The following CFAP77 variants were observed in gnomAD, a reference collection of about 807,000 sequenced individuals.
CFAP77 encodes cilia- and flagella-associated protein 77.
Under a neutral mutation model 31.1 loss-of-function variants are expected in CFAP77, and 25 were observed. The ratio of observed to expected loss-of-function variants is 0.80; its 90% CI spans 0.59 to 1.12. CFAP77 has a LOEUF of 1.12. Among genes scored for constraint, CFAP77 ranks in the 50% most tolerant of loss-of-function variants. CFAP77 has a pLI of 0.00. For missense variants in CFAP77, 377 were observed against 397.3 expected, an observed-to-expected ratio of 0.95 and a Z score of 0.44; for synonymous variants, 151 against 159.9, an observed-to-expected ratio of 0.94 and a Z score of 0.42.
chr9:132,474,855 TC>T (rs1408122319), intron 1 of CFAP77, among the ~76,000 whole-genome samples: 1 of 152,218 alleles, frequency 6.6e-6, no homozygotes, highest in Non-Finnish European at 1.5e-5. Flanking sequence ...TCATATTTCT[TC>T]AAATTTTATA....
intron 1 of CFAP77, among the ~76,000 whole-genome samples, chr9:132,425,679 G>A (rs1850301724): frequency 6.6e-6 from 1 of 152,110 alleles, no homozygotes; most frequent in Non-Finnish European, 1.5e-5. Flanking sequence ...GAGCAGAAAT[G>A]TAATTTTGAG....
At chr9:132,439,411 G>T (rs1233149451) in intron 1 of CFAP77, among the ~76,000 whole-genome samples, 3 of 152,164 alleles carry the variant, frequency 2.0e-5, no homozygotes, top group East Asian at 3.9e-4. Flanking sequence ...GCCAACCCAG[G>T]CAGCTGAAGC....
intron 1 of CFAP77, among the ~76,000 whole-genome samples, chr9:132,461,064 T>C (rs1484937850): frequency 1.3e-5 from 2 of 152,012 alleles, no homozygotes; most frequent in African/African-American, 4.8e-5. Flanking sequence ...TTCACCTAAA[T>C]TAAAAAAAAA....
At chr9:132,491,382 G>A (rs1255431942) in intron 1 of CFAP77, among the ~76,000 whole-genome samples, 3 of 152,190 alleles carry the variant, frequency 2.0e-5, no homozygotes. Flanking sequence ...CAAGAGAATT[G>A]CTTGAACCCG....
At chr9:132,558,857 T>G (rs1852947330) in intron 5 of CFAP77, among the ~76,000 whole-genome samples, 1 of 148,890 alleles carries the variant, frequency 6.7e-6, no homozygotes, top group Non-Finnish European at 1.5e-5. Flanking sequence ...CTACTAAAAA[T>G]ATAAAAATTA....
intron 5 of CFAP77, among the ~76,000 whole-genome samples, chr9:132,549,671 C>G (rs1257487812): frequency 6.6e-6 from 1 of 152,086 alleles, no homozygotes; most frequent in African/African-American, 2.4e-5. Context: ...AACTCTGTTT[C>G]TACTAAAAAT....
chr9:132,523,636 TGA>T (rs1384718912), intron 3 of CFAP77, among the ~76,000 whole-genome samples: 4 of 152,354 alleles, frequency 2.6e-5, no homozygotes, highest in African/African-American at 9.6e-5. Flanking sequence ...GAGCCCTGAC[TGA>T]GAGGCCTGTT....
At chr9:132,570,254 C>T (rs1203439859) in intron 5 of CFAP77, among the ~76,000 whole-genome samples, 1 of 152,204 alleles carries the variant, frequency 6.6e-6, no homozygotes, top group Non-Finnish European at 1.5e-5. Context: ...AGGGCACAAT[C>T]ATGGTTTGAT....
At chr9:132,428,323 C>G (rs2131687621) in intron 1 of CFAP77, among the ~76,000 whole-genome samples, 2 of 151,190 alleles carry the variant, frequency 1.3e-5, no homozygotes, top group Admixed American at 1.3e-4. Context: ...GCATTAGATT[C>G]TTAATAACTG....
rs533783881 is a variant in CFAP77 at position 132,546,610 on chromosome 9, G to C, written c.732+3563G>C. ...TGCCAGAGGGGCTGCCGAGACCCCC[G>C]CGCTGGATGACCCGGGCCACTTACA... On this transcript the variant is annotated intron_variant, in intron 5 of 5. Coordinates refer to ENST00000393216, the MANE Select transcript of CFAP77 (RefSeq NM_001282957.2). Among the ~76,000 whole-genome samples the C allele has an allele frequency of 9.0e-4, 137 of 152,378 alleles. 1 individual carries two copies. Among genetic ancestry groups the C allele is most frequent in the African/African-American group, 3.1e-3 (129 of 41,592 alleles).
At position 132,455,576 on chromosome 9, in the gene CFAP77, A is replaced by C. The variant is rs577366376; in HGVS notation, c.196-43119A>C. ...GAGACCCTATCTCTACTAAAAATAC[A>C]AAAAAATAGCTCTGTATGATGGTAC... On this transcript the variant is annotated intron_variant, in intron 1 of 5. Transcript: ENST00000393216. The surrounding 1 kb of genome is among the most constrained non-coding windows in gnomAD (Gnocchi z 4.1). Among the ~76,000 whole-genome samples the C allele has an allele frequency of 2.6e-4, 39 of 151,876 alleles. No homozygotes were observed. Among genetic ancestry groups the C allele is most frequent in the African/African-American group, 8.9e-4 (37 of 41,402 alleles).
Position 132,499,002 on chromosome 9 carries a change from G to A in CFAP77, c.295+208G>A, listed in dbSNP as rs1279857450. Among the ~76,000 whole-genome samples the A allele has an allele frequency of 6.6e-6, 1 of 151,914 alleles. No individual in the cohort carries two copies. The highest frequency in any genetic ancestry group is 1.5e-5 in the Non-Finnish European group (1 of 67,998). ...AGCAGGGCCCTGGTGTGCGGTGTCA[G>A]GGAACTAGCATGGGTATCCCCGCAC... On this transcript the variant is annotated intron_variant, in intron 2 of 5. Coordinates refer to ENST00000393216, the MANE Select transcript of CFAP77 (RefSeq NM_001282957.2). This position sits in a 1 kb window ranked among gnomAD's most constrained non-coding sequence, Gnocchi z 5.4.
At chr9:132,493,580 G>A (rs1398258493) in intron 1 of CFAP77, among the ~76,000 whole-genome samples, 1 of 152,190 alleles carries the variant, frequency 6.6e-6, no homozygotes, top group Non-Finnish European at 1.5e-5. Flanking sequence ...CTGCAGGTAT[G>A]GTGTGAAGGG....
chr9:132,521,844 G>A (rs1159892462), intron 3 of CFAP77, among the ~76,000 whole-genome samples: 2 of 130,936 alleles, frequency 1.5e-5, no homozygotes, highest in Non-Finnish European at 3.1e-5. Context: ...TCAGCTCACT[G>A]CAACCTCTGC....
chr9:132,516,990 A>G (rs1184634473), intron 3 of CFAP77, among the ~76,000 whole-genome samples: 1 of 152,204 alleles, frequency 6.6e-6, no homozygotes, highest in African/African-American at 2.4e-5. Flanking sequence ...GGAAAAAGGG[A>G]GACACCCCAG....
intron 3 of CFAP77, among the ~76,000 whole-genome samples, chr9:132,537,278 G>T (rs531025756): frequency 1.3e-5 from 2 of 152,246 alleles, no homozygotes; most frequent in Non-Finnish European, 2.9e-5. Context: ...AATCAACGTA[G>T]CGGGACTCTT....
rs531686118 is a variant in CFAP77 at position 132,548,388 on chromosome 9, T to A, written c.732+5341T>A. Among the ~76,000 whole-genome samples the A allele has an allele frequency of 6.4e-4, 97 of 152,288 alleles. 1 individual carries two copies. Among genetic ancestry groups the A allele is most frequent in the Non-Finnish European group, 1.1e-3 (75 of 68,004 alleles). On this transcript the variant is annotated intron_variant, in intron 5 of 5. Coordinates refer to ENST00000393216, the MANE Select transcript of CFAP77 (RefSeq NM_001282957.2). ...TCCAAAACCAGTAAGGCTATTTTTTTAAATGTTTTTAAAAGATGGAGATCC... is the reference window on the plus strand; with the variant it reads ...TCCAAAACCAGTAAGGCTATTTTTTAAAATGTTTTTAAAAGATGGAGATCC...
intron 5 of CFAP77, among the ~76,000 whole-genome samples, chr9:132,562,228 G>A (rs1829823605): frequency 6.6e-6 from 1 of 152,154 alleles, no homozygotes; most frequent in Non-Finnish European, 1.5e-5. Flanking sequence ...CTCACCCCAG[G>A]TCACCTCCCA....
chr9:132,536,411 G>T (rs36065643), intron 3 of CFAP77, among the ~76,000 whole-genome samples: 55,534 of 105,628 alleles, frequency 0.53, 10,941 homozygotes, highest in African/African-American at 0.59. Flanking sequence ...TTTTTTTTTT[G>T]GAGACAGAGT....
Sources: gnomAD v4.1 joint callset for allele counts (sites outside exome capture counted in the v4.1 genomes callset) on GRCh38, gnomAD v4.1.1 for gene constraint, Gnocchi (gnomAD v3.1) non-coding constraint, MANE v1.5 for transcripts, NCBI Gene and HGNC (gene_info 2026-07-23, HGNC 2026-07-21) for gene names.